Variants in THRB observed in about 807,000 individuals in gnomAD.
THRB encodes the protein nuclear receptor subfamily 1 group A member 2.
In THRB, 12 loss-of-function variants were observed where a neutral mutation model predicts 47.8. The ratio of observed to expected loss-of-function variants is 0.25; its 90% CI spans 0.16 to 0.41. The LOEUF (loss-of-function observed/expected upper bound fraction) is 0.41. Among genes scored for constraint, THRB ranks in the 10% least tolerant of loss-of-function variants. THRB has a pLI of 1.00. For synonymous variants in THRB, 218 were observed against 212.2 expected (o/e 1.03, Z -0.24); for missense variants, 348 against 589.2 (o/e 0.59, Z 4.24).
chr3:24,391,944 G>A (rs548634553), intron 1 of THRB, among the ~76,000 whole-genome samples: 13 of 152,182 alleles, frequency 8.5e-5, no homozygotes, highest in Admixed American at 3.9e-4. Context: ...TACATAATTC[G>A]CACAGGGCAG....
intron 4 of THRB, among the ~76,000 whole-genome samples, chr3:24,212,744 G>C (rs529936866): frequency 6.6e-6 from 1 of 152,166 alleles, no homozygotes; most frequent in African/African-American, 2.4e-5. Flanking sequence ...AGATAGTACA[G>C]GGAGTGCTGA....
chr3:24,465,650 C>T (rs1380315219), intron 1 of THRB, among the ~76,000 whole-genome samples: 2 of 152,168 alleles, frequency 1.3e-5, no homozygotes, highest in Non-Finnish European at 2.9e-5. Context: ...GTGATCTGCA[C>T]ACCTTGGCCT....
intron 1 of THRB, among the ~76,000 whole-genome samples, chr3:24,365,723 C>G (rs2064408918): frequency 6.6e-6 from 1 of 152,154 alleles, no homozygotes; most frequent in Non-Finnish European, 1.5e-5. Flanking sequence ...TTGAAAACTG[C>G]ATGGTACAAT....
chr3:24,326,782 T>TTTTTTTTTTTTTTTA (rs2061624939), intron 2 of THRB, among the ~76,000 whole-genome samples: 1 of 142,806 alleles, frequency 7.0e-6, no homozygotes, highest in Non-Finnish European at 1.5e-5. Flanking sequence ...TTTTTTTTTT[T>TTTTTTTTTTTTTTTA]GAGATGGAGT....
At chr3:24,276,227 T>C (rs989800029) in intron 3 of THRB, among the ~76,000 whole-genome samples, 1 of 152,162 alleles carries the variant, frequency 6.6e-6, no homozygotes, top group African/African-American at 2.4e-5. Context: ...TGTATAATAA[T>C]TGGTATTCAC....
chr3:24,284,751 C>A (rs2150893923), intron 3 of THRB, among the ~76,000 whole-genome samples: 1 of 149,666 alleles, frequency 6.7e-6, no homozygotes, highest in Admixed American at 6.6e-5. Flanking sequence ...AACAAACAAC[C>A]CCATCAAAAA....
chr3:24,454,687 ATC>A (rs1053075515), intron 1 of THRB, among the ~76,000 whole-genome samples: 10 of 152,120 alleles, frequency 6.6e-5, no homozygotes, highest in Admixed American at 1.3e-4. Flanking sequence ...AGAATTTATA[ATC>A]TCTCTCTCTT....
intron 1 of THRB, among the ~76,000 whole-genome samples, chr3:24,471,279 C>A (rs960723415): frequency 6.6e-6 from 1 of 152,164 alleles, no homozygotes; most frequent in Non-Finnish European, 1.5e-5. Context: ...GAATCAGAAA[C>A]TCTGGGGATG....
intron 4 of THRB, among the ~76,000 whole-genome samples, chr3:24,209,107 G>A (rs1189792323): frequency 6.6e-6 from 1 of 152,196 alleles, no homozygotes; most frequent in South Asian, 2.1e-4. Context: ...CTGGCCATCA[G>A]AGAAATGCAA....
intron 1 of THRB, among the ~76,000 whole-genome samples, chr3:24,418,857 G>T (rs9839986): frequency 0.45 from 68,235 of 151,776 alleles, 16,028 homozygotes; most frequent in East Asian, 0.52. Flanking sequence ...TTCCTCATAG[G>T]TACAACAAAT....
chr3:24,228,915 A>C (rs2047971453), intron 4 of THRB, 23 bp downstream of exon 4: 2 of 1,603,206 alleles, frequency 1.2e-6, no homozygotes, highest in Non-Finnish European at 1.7e-6. Context: ...GCACACAAAG[A>C]AAATGTAAAA....
chr3:24,132,230 G>C (rs1307878068), intron 9 of THRB, among the ~76,000 whole-genome samples: 4 of 152,146 alleles, frequency 2.6e-5, no homozygotes, highest in African/African-American at 9.7e-5. Context: ...GCTCACAGCT[G>C]TCCGTGACCC....
intron 4 of THRB, among the ~76,000 whole-genome samples, chr3:24,222,750 A>AT (rs2047284440): frequency 6.6e-6 from 1 of 152,206 alleles, no homozygotes; most frequent in Non-Finnish European, 1.5e-5. Flanking sequence ...AAAGGCCCCC[A>AT]TCACATTGTG....
intron 5 of THRB, among the ~76,000 whole-genome samples, chr3:24,187,437 G>T (rs2042743008): frequency 6.6e-6 from 1 of 152,200 alleles, no homozygotes. Context: ...TTGTTCTTTG[G>T]ATCCTGTTGT....
chr3:24,240,660 C>T (rs150061913), intron 3 of THRB, among the ~76,000 whole-genome samples: 28 of 152,284 alleles, frequency 1.8e-4, no homozygotes, highest in Non-Finnish European at 3.8e-4. Context: ...CTACCTATAG[C>T]ATAAGCTAAA....
intron 2 of THRB, among the ~76,000 whole-genome samples, chr3:24,320,282 C>T (rs956903652): frequency 6.6e-6 from 1 of 152,180 alleles, no homozygotes; most frequent in African/African-American, 2.4e-5. Flanking sequence ...GAAAGAGATG[C>T]TCCAGAAAAA....
chr3:24,377,936 T>G (rs1281147990), intron 1 of THRB, among the ~76,000 whole-genome samples: 3 of 152,070 alleles, frequency 2.0e-5, no homozygotes, highest in African/African-American at 7.2e-5. Context: ...AAAGAAAAGG[T>G]GTAAAATGAG....
intron 1 of THRB, among the ~76,000 whole-genome samples, chr3:24,379,521 C>T (rs2065538869): frequency 6.6e-6 from 1 of 152,154 alleles, no homozygotes; most frequent in Non-Finnish European, 1.5e-5. Context: ...GTTTATTATT[C>T]GTGTTGTCTG....
intron 1 of THRB, among the ~76,000 whole-genome samples, chr3:24,467,510 T>A (rs1311362574): frequency 1.3e-5 from 2 of 152,234 alleles, no homozygotes; most frequent in Admixed American, 1.3e-4. Context: ...ATTTCTTAGA[T>A]AATAAGACAA....
Sources: gnomAD v4.1 joint callset for allele counts (sites outside exome capture counted in the v4.1 genomes callset) on GRCh38, gnomAD v4.1.1 for gene constraint, MANE v1.5 for transcripts, NCBI Gene and HGNC (gene_info 2026-07-23, HGNC 2026-07-21) for gene names.